Variants in KIF18A observed in about 807,000 individuals in gnomAD.
KIF18A encodes the protein kinesin family member 18A.
Under a neutral mutation model 103.3 loss-of-function variants are expected in KIF18A, and 67 were observed. That is an observed-to-expected ratio of 0.65 (90% CI 0.53 to 0.79). KIF18A has a LOEUF of 0.79. KIF18A is among the 30% of genes least tolerant of loss of function. KIF18A has a pLI of 0.00. For synonymous variants in KIF18A, 367 were observed against 355.5 expected, an observed-to-expected ratio of 1.03 and a Z score of -0.36; for missense variants, 1,032 against 1,062.5, an observed-to-expected ratio of 0.97 and a Z score of 0.40.
At chr11:28,078,661 G>C (rs567638298) in intron 9 of KIF18A, among the ~76,000 whole-genome samples, 1 of 152,078 alleles carries the variant, frequency 6.6e-6, no homozygotes, top group Non-Finnish European at 1.5e-5. Flanking sequence ...TCTTGGTATA[G>C]TCATAAGTGA....
chr11:28,083,090 A>G (rs1164001052), intron 8 of KIF18A, 79 bp downstream of exon 8: 2 of 1,514,018 alleles, frequency 1.3e-6, no homozygotes, highest in Non-Finnish European at 8.8e-7. Flanking sequence ...AATATGTTAA[A>G]TTTTTGGACA....
In KIF18A at chr11:28,088,628, C is replaced by T. The variant is rs1394154110; in HGVS notation, c.793G>A (p.Ala265Thr). ...SLIDLAGSER[A>T]STSGAKGTRF... The stretch of plus-strand genomic sequence containing the variant: ...GTCCCCTTAGCACCGGAAGTACTTG[C>T]TCGCTCAGATCCTGCCAGGTCAATG... The change falls in exon 6 of 17, where the codon GCA becomes ACA. Residue 265 changes from alanine to threonine, a missense_variant. Physicochemically the swap from Ala to Thr is moderately conservative, Grantham distance 58 (BLOSUM62 0). Coordinates refer to ENST00000263181, the MANE Select transcript of KIF18A (RefSeq NM_031217.4). The T allele has an allele frequency of 1.2e-6, 2 of 1,613,888 alleles. No individual in the cohort carries two copies. The highest frequency in any genetic ancestry group is 2.7e-5 in the African/African-American group (2 of 74,910).
chr11:28,055,912 T>C (rs1206587811), intron 13 of KIF18A, among the ~76,000 whole-genome samples: 1 of 152,116 alleles, frequency 6.6e-6, no homozygotes, highest in Non-Finnish European at 1.5e-5. Flanking sequence ...ATTATAGTTG[T>C]CTCTCAGTAT....
chr11:28,065,873 CTT>C (rs1468065967), intron 11 of KIF18A, among the ~76,000 whole-genome samples: 2 of 151,962 alleles, frequency 1.3e-5, no homozygotes, highest in Non-Finnish European at 2.9e-5. Flanking sequence ...TCATTTAAAA[CTT>C]ATATACACAA....
At position 28,036,202 on chromosome 11, in the gene KIF18A, A is replaced by G. The variant is rs753434526; in HGVS notation, c.2396+15T>C. On this transcript the variant is annotated intron_variant, in intron 14 of 16. Transcript: ENST00000263181. ...TGTTAAAAAAAAAGAATTGGCAAAT[A>G]TTATTTTTTTGTACCGTTGTAAAAT... The G allele has an allele frequency of 1.0e-5, 15 of 1,505,598 alleles. No individual in the cohort carries two copies. The highest frequency in any genetic ancestry group is 1.3e-5 in the Non-Finnish European group (15 of 1,116,574). The allele number at this position is 1,505,598 out of a possible 1,614,324, so 93.3% of individuals were successfully genotyped here. A position where few individuals can be genotyped will look rare whatever the true frequency, so the allele number is the denominator to read the frequency against.
chr11:28,038,411 C>T (rs1358027690), intron 13 of KIF18A, among the ~76,000 whole-genome samples: 1 of 151,568 alleles, frequency 6.6e-6, no homozygotes, highest in Non-Finnish European at 1.5e-5. Flanking sequence ...TTCATGGTGT[C>T]TGACATGAAA....
At chr11:28,105,864 T>C (rs551870104) in intron 1 of KIF18A, among the ~76,000 whole-genome samples, 5 of 152,354 alleles carry the variant, frequency 3.3e-5, no homozygotes, top group African/African-American at 1.2e-4. Flanking sequence ...TCATGCATTA[T>C]AGTAAACACT....
In KIF18A at chr11:28,027,956, T is replaced by C. The variant is rs547686324; in HGVS notation, c.2505-4106A>G. Among the ~76,000 whole-genome samples the C allele has an allele frequency of 3.3e-5, 5 of 152,058 alleles. 1 individual carries two copies. In the South Asian group the frequency reaches 8.3e-4, roughly 25 times the overall value. ...CATGCACAAATCCTTAACAAAATAC[T>C]AGCAAACTGAATCCAATAACAAACC... On this transcript the variant is annotated intron_variant, in intron 15 of 16. Transcript: ENST00000263181.
chr11:28,069,480 A>G, intron 10 of KIF18A, 57 bp from the exon 11 acceptor site: 15 of 1,491,496 alleles, frequency 1.0e-5, no homozygotes, highest in African/African-American at 1.4e-5. Flanking sequence ...GATGTACATG[A>G]TATTAGTAAA....
chr11:28,092,125 T>C (rs1393292418), intron 3 of KIF18A, among the ~76,000 whole-genome samples: 2 of 152,178 alleles, frequency 1.3e-5, no homozygotes, highest in Non-Finnish European at 2.9e-5. Flanking sequence ...CATTTTCTTA[T>C]TTTCAGGAAA....
At chr11:28,053,308 C>T (rs1490115154) in intron 13 of KIF18A, among the ~76,000 whole-genome samples, 2 of 151,574 alleles carry the variant, frequency 1.3e-5, no homozygotes, top group Non-Finnish European at 2.9e-5. Flanking sequence ...TGAAATAAAA[C>T]TTTATTTATT....
chr11:28,032,691 A>C (rs973843511), intron 15 of KIF18A, among the ~76,000 whole-genome samples: 1 of 151,948 alleles, frequency 6.6e-6, no homozygotes, highest in Non-Finnish European at 1.5e-5. Flanking sequence ...CTAGATCCCT[A>C]TCTCTTGCAA....
chr11:28,076,616 G>C (rs1851093499), intron 10 of KIF18A: 1 of 152,692 alleles, frequency 6.5e-6, no homozygotes, highest in African/African-American at 2.4e-5. Context: ...AAGTAGCCTT[G>C]ACTATAAAAT....
At chr11:28,043,878 T>C (rs1488904388) in intron 13 of KIF18A, among the ~76,000 whole-genome samples, 1 of 149,784 alleles carries the variant, frequency 6.7e-6, no homozygotes, top group African/African-American at 2.5e-5. Flanking sequence ...TTTTATATAA[T>C]AAATATAATC....
rs1458691702 is a variant in KIF18A at position 28,097,854 on chromosome 11, T to C, written c.94A>G (p.Lys32Glu). ...TGTTTATCCACAACATGAACCACTT[T>C]ATGAAATCCAGCTGCTTTTTCTTTA... ...NTKEKAAGFH[K>E]VVHVVDKHIL... Residue 32 changes from lysine (K) to glutamate (E), a missense_variant, in exon 2 of 17, where the codon AAA (lysine) becomes GAA (glutamate). Lys to Glu is a moderately conservative substitution (Grantham distance 56, BLOSUM62 1). Coordinates refer to ENST00000263181, the MANE Select transcript of KIF18A (RefSeq NM_031217.4). The C allele has an allele frequency of 6.2e-7, 1 of 1,612,594 alleles. No homozygotes were observed. Among genetic ancestry groups the C allele is most frequent in the African/African-American group, 1.3e-5 (1 of 74,948 alleles).
At chr11:28,033,843 ATAAC>A (rs911572160) in intron 15 of KIF18A, among the ~76,000 whole-genome samples, 5 of 151,754 alleles carry the variant, frequency 3.3e-5, no homozygotes, top group Admixed American at 3.3e-4. Context: ...CATTTAAAAA[ATAAC>A]TAAGAGTATA....
chr11:28,075,785 A>G (rs1199246147), intron 10 of KIF18A, among the ~76,000 whole-genome samples: 1 of 152,110 alleles, frequency 6.6e-6, no homozygotes, highest in Non-Finnish European at 1.5e-5. Flanking sequence ...TGATTTTTGC[A>G]TTGCTTCTGC....
chr11:28,034,864 T>C (rs79910039), intron 15 of KIF18A, among the ~76,000 whole-genome samples: 2,914 of 151,774 alleles, frequency 0.019, 70 homozygotes, highest in South Asian at 0.12. Flanking sequence ...TTGTTCTCCA[T>C]TGCCTTCAAG....
At chr11:28,058,568 G>A (rs1227434890) in intron 13 of KIF18A, among the ~76,000 whole-genome samples, 1 of 141,992 alleles carries the variant, frequency 7.0e-6, no homozygotes, top group African/African-American at 2.6e-5. Flanking sequence ...GGGCTGAAGT[G>A]GAAGGATTGC....
Sources: allele counts gnomAD v4.1 joint callset (sites outside exome capture counted in the v4.1 genomes callset), GRCh38; gene constraint gnomAD v4.1.1; transcripts MANE v1.5; gene names NCBI Gene and HGNC (gene_info 2026-07-23, HGNC 2026-07-21).